Variants in TSPEAR observed in about 807,000 individuals in gnomAD.
The protein encoded by TSPEAR is thrombospondin-type laminin G domain and EAR repeat-containing protein.
In TSPEAR, 69 loss-of-function variants were observed where a neutral mutation model predicts 71.6. The ratio of observed to expected loss-of-function variants is 0.96; its 90% CI spans 0.79 to 1.18. The LOEUF (loss-of-function observed/expected upper bound fraction) is 1.18, where lower values mean the gene tolerates loss of function less well. TSPEAR is among the 50% of genes most tolerant of loss of function. TSPEAR has a pLI of 0.00. For missense variants in TSPEAR, 971 were observed against 894.9 expected (o/e 1.09, Z -1.09); for synonymous variants, 402 against 387.2 (o/e 1.04, Z -0.45).
At chr21:44,540,784 T>C (rs1437657842) in intron 2 of TSPEAR, among the ~76,000 whole-genome samples, 1 of 152,126 alleles carries the variant, frequency 6.6e-6, no homozygotes, top group African/African-American at 2.4e-5. Context: ...GGAGAGGCCA[T>C]GCCCCTCCCC....
intron 1 of TSPEAR, among the ~76,000 whole-genome samples, chr21:44,622,367 C>T (rs1982497359): frequency 6.6e-6 from 1 of 152,036 alleles, no homozygotes; most frequent in Non-Finnish European, 1.5e-5. Flanking sequence ...TTTTTTATGC[C>T]CCCATCTTCC....
chr21:44,649,390 G>A (rs782460845), intron 1 of TSPEAR, among the ~76,000 whole-genome samples: 1 of 152,188 alleles, frequency 6.6e-6, no homozygotes, highest in Non-Finnish European at 1.5e-5. Flanking sequence ...TTCTAGATAT[G>A]GGCCTCTCAG....
chr21:44,534,490 G>A (rs2053054106), intron 2 of TSPEAR, among the ~76,000 whole-genome samples: 1 of 151,430 alleles, frequency 6.6e-6, no homozygotes, highest in Admixed American at 6.6e-5. Context: ...ATGTGACAGG[G>A]CTGATGTGTG....
rs147782471 is a variant in TSPEAR, at chr21:44,679,498, A to T, written c.82+31935T>A. Among the ~76,000 whole-genome samples, 643 of 152,340 alleles carry T rather than the reference A, an allele frequency of 4.2e-3. 10 individuals carry two copies. Among genetic ancestry groups the T allele is most frequent in the African/African-American group, 0.015 (623 of 41,588 alleles). On this transcript the variant is annotated intron_variant, in intron 1 of 11. Transcript: ENST00000323084. Reference sequence around the variant, plus strand: ...CAAAGCAATCAACAGACTCAATGCAATCTCTATCAAAATGCCAATGACATG... The same window carrying T: ...CAAAGCAATCAACAGACTCAATGCATTCTCTATCAAAATGCCAATGACATG...
At chr21:44,700,760 C>T (rs17285396) in intron 1 of TSPEAR, among the ~76,000 whole-genome samples, 8,279 of 152,282 alleles carry the variant, frequency 0.054, 249 homozygotes, top group Middle Eastern at 0.13. Context: ...TCAGGTGTCA[C>T]TGTTAAGCCT....
At chr21:44,699,377 C>CAAAAAAA (rs55846070) in intron 1 of TSPEAR, among the ~76,000 whole-genome samples, 4 of 65,412 alleles carry the variant, frequency 6.1e-5, no homozygotes, top group Non-Finnish European at 1.1e-4. Flanking sequence ...GACACTGTCT[C>CAAAAAAA]AAAAAAAAAA....
Position 44,686,057 on chromosome 21 carries a change from C to T in TSPEAR, c.82+25376G>A, listed in dbSNP as rs1986840954. On this transcript the variant is annotated intron_variant, in intron 1 of 11. Transcript: ENST00000323084. ...CCTGATGATGACTGAGCTTCTCAGT[C>T]AAAACGGGGCCCCTGGTGCAGTGAG... is the stretch of plus-strand genomic sequence containing the variant. 1.3e-5 allele frequency among the ~76,000 whole-genome samples: 2 copies of T among 152,132 alleles called. 1 individual carries two copies.
At chr21:44,549,616 G>A (rs868919541) in intron 2 of TSPEAR, among the ~76,000 whole-genome samples, 14 of 152,228 alleles carry the variant, frequency 9.2e-5, no homozygotes, top group South Asian at 8.3e-4. Flanking sequence ...GTCATACCTC[G>A]CCAGCATCCC....
intron 1 of TSPEAR, among the ~76,000 whole-genome samples, chr21:44,572,834 GACACACACAC>G (rs71199612): frequency 0.031 from 3,930 of 124,824 alleles, 106 homozygotes; most frequent in African/African-American, 0.064. Context: ...GGGAGATTTG[GACACACACAC>G]ACACACACAC....
At chr21:44,619,420 T>C (rs944481453) in intron 1 of TSPEAR, among the ~76,000 whole-genome samples, 2 of 152,238 alleles carry the variant, frequency 1.3e-5, no homozygotes, top group African/African-American at 2.4e-5. Flanking sequence ...ATTGTCACTG[T>C]GCAGTTTTCA....
chr21:44,630,317 C>A (rs1365722236), intron 1 of TSPEAR, among the ~76,000 whole-genome samples: 1 of 152,192 alleles, frequency 6.6e-6, no homozygotes, highest in Non-Finnish European at 1.5e-5. Flanking sequence ...AACTCAGATT[C>A]CCTCCAGCCA....
intron 1 of TSPEAR, among the ~76,000 whole-genome samples, chr21:44,587,600 G>A (rs587717243): frequency 5.5e-4 from 84 of 152,208 alleles, no homozygotes; most frequent in African/African-American, 1.8e-3. Context: ...GAACAAATCC[G>A]GAGGCATCAC....
At chr21:44,654,405 G>A (rs1984999787) in intron 1 of TSPEAR, 1 of 1,614,092 alleles carries the variant, frequency 6.2e-7, no homozygotes, top group South Asian at 1.1e-5. Context: ...CAGGCACACA[G>A]CAGGCCACCT....
intron 1 of TSPEAR, among the ~76,000 whole-genome samples, chr21:44,575,982 C>T (rs587649771): frequency 1.3e-5 from 2 of 152,274 alleles, no homozygotes; most frequent in African/African-American, 2.4e-5. Flanking sequence ...CCAGGGCCAG[C>T]GGACTGCCCA....
At chr21:44,646,889 C>A in intron 1 of TSPEAR, 6 of 1,612,348 alleles carry the variant, frequency 3.7e-6, no homozygotes, top group Non-Finnish European at 4.2e-6. Context: ...TCCTGCCAGC[C>A]GGCCTGCTGT....
At chr21:44,640,413 T>C (rs587631550) in intron 1 of TSPEAR, among the ~76,000 whole-genome samples, 2 of 152,280 alleles carry the variant, frequency 1.3e-5, no homozygotes, top group Admixed American at 1.3e-4. Context: ...AGTGACTGCT[T>C]ATGGGTGTGG....
At chr21:44,568,344 T>C (rs2053732963) in intron 1 of TSPEAR, among the ~76,000 whole-genome samples, 1 of 152,100 alleles carries the variant, frequency 6.6e-6, no homozygotes, top group African/African-American at 2.4e-5. Flanking sequence ...AAGGAACGCA[T>C]GGCCCCACCG....
At chr21:44,562,666 G>C (rs2053653957) in intron 2 of TSPEAR, among the ~76,000 whole-genome samples, 1 of 152,126 alleles carries the variant, frequency 6.6e-6, no homozygotes, top group Admixed American at 6.5e-5. Context: ...AAGAGCAACA[G>C]TTCACTTCTT....
At chr21:44,573,587 TG>T in intron 1 of TSPEAR, 1 of 1,138,612 alleles carries the variant, frequency 8.8e-7, no homozygotes, top group Non-Finnish European at 1.2e-6. Context: ...TTTATTCTCC[TG>T]GAGCTGGCTG....
Sources: gnomAD v4.1 joint callset for allele counts (sites outside exome capture counted in the v4.1 genomes callset) on GRCh38, gnomAD v4.1.1 for gene constraint, MANE v1.5 for transcripts, NCBI Gene and HGNC (gene_info 2026-07-23, HGNC 2026-07-21) for gene names.